Variants in CLCN2 observed in about 807,000 individuals in gnomAD.
CLCN2 encodes the protein chloride channel protein 2.
In CLCN2, 72 loss-of-function variants were observed where a neutral mutation model predicts 108.3. That is an observed-to-expected ratio of 0.66 (90% confidence interval 0.55 to 0.81). The LOEUF (loss-of-function observed/expected upper bound fraction) is 0.81. Among genes scored for constraint, CLCN2 ranks in the 30% least tolerant of loss-of-function variants. The pLI, the probability that CLCN2 is intolerant of heterozygous loss-of-function variation, is 0.00. For missense variants in CLCN2, 1,048 were observed against 1,205.2 expected (o/e 0.87, Z 1.93); for synonymous variants, 471 against 467.1 (o/e 1.01, Z -0.11).
chr3:184,359,283 A>G (rs1462508101), intron 1 of CLCN2, 152 bp from the exon 2 acceptor site: 4 of 966,866 alleles, frequency 4.1e-6, no homozygotes. Context: ...AGGTGTGGGA[A>G]CAATGCACAT....
rs537783950 is a variant in CLCN2, at chr3:184,361,492, C to A, written c.-13G>T. ...CCGCGGCCGCCATCTCCGCGCACTG[C>A]CCTCTCGCCTCCCTCGGCGGTTCCG... On this transcript the variant is annotated 5_prime_UTR_variant, in exon 1 of 24. Transcript: ENST00000265593. The surrounding 1 kb of genome is among the most constrained non-coding windows in gnomAD (Gnocchi z 6.6). The A allele has an allele frequency of 1.2e-6, 2 of 1,610,446 alleles. No individual in the cohort carries two copies. Among genetic ancestry groups the A allele is most frequent in the South Asian group, 2.2e-5 (2 of 91,068 alleles).
chr3:184,357,270 A>C lies in CLCN2; in HGVS notation c.899-4T>G. 6.2e-7 allele frequency: 1 copy of C among 1,614,020 alleles called. No homozygotes were observed. Among genetic ancestry groups the C allele is most frequent in the Non-Finnish European group, 8.5e-7 (1 of 1,179,998 alleles). On this transcript the variant is annotated splice_region_variant and splice_polypyrimidine_tract_variant and intron_variant, in intron 8 of 23. Coordinates refer to ENST00000265593, the MANE Select transcript of CLCN2 (RefSeq NM_004366.6). Reference sequence around the variant, plus strand: ...TTGAAGAGGGCTGTAATAGTCTCTAAAGGGAAGAACAGCAGAGGGAGGCAG... The same window carrying C: ...TTGAAGAGGGCTGTAATAGTCTCTACAGGGAAGAACAGCAGAGGGAGGCAG...
rs41266267 is a variant in CLCN2 at position 184,357,229 on chromosome 3, G to C, written c.936C>G (p.Leu312=). The change falls in exon 9 of 24, where the codon CTC becomes CTG. Residue 312 remains leucine, a synonymous_variant. Coordinates refer to ENST00000265593, the MANE Select transcript of CLCN2 (RefSeq NM_004366.6). ...GCTCCTGCAGGTCAAAGGGGAAGTC[G>C]AGCCGGAATCGGGTTTTGAAGAGGG... ...ITALFKTRFR[L]DFPFDLQELP... 3.8e-4 allele frequency: 618 copies of C among 1,613,974 alleles called. No homozygotes were observed. The highest frequency in any genetic ancestry group is 4.8e-4 in the Non-Finnish European group (571 of 1,180,032).
chr3:184,355,204 T>G lies in CLCN2; in HGVS notation c.1326+170A>C. 5 of 840,290 alleles carry G rather than the reference T, an allele frequency of 6.0e-6. No individual in the cohort carries two copies. 52.1% of individuals were successfully genotyped at this position (840,290 alleles called of 1,614,324 possible). A position where few individuals can be genotyped will look rare whatever the true frequency, so the allele number is the denominator to read the frequency against. ...ATCATCGCTCTGCCCTCTAGCTGTG[T>G]GACTTTGGGCCAGCTACTTGTGTTT... On this transcript the variant is annotated intron_variant, in intron 12 of 23. Transcript: ENST00000265593. This position sits in a 1 kb window ranked among gnomAD's most constrained non-coding sequence, Gnocchi z 6.3.
chr3:184,359,984 G>C (rs1711781813), intron 1 of CLCN2, among the ~76,000 whole-genome samples: 1 of 136,702 alleles, frequency 7.3e-6, no homozygotes, highest in African/African-American at 2.6e-5. Flanking sequence ...TTGGGGCTGG[G>C]ATGGGGGGGA....
At chr3:184,353,844 G>GC in intron 15 of CLCN2, 49 bp from the exon 16 acceptor site, 1 of 1,589,168 alleles carries the variant, frequency 6.3e-7, no homozygotes, top group East Asian at 2.3e-5. Flanking sequence ...GGGGAGAGGT[G>GC]CCCAGAGCAT....
chr3:184,346,828 G>A lies in CLCN2; in HGVS notation c.2503-28C>T. 6.2e-7 allele frequency: 1 copy of A among 1,613,738 alleles called. No homozygotes were observed. Among genetic ancestry groups the A allele is most frequent in the Middle Eastern group, 1.7e-4 (1 of 6,060 alleles). On this transcript the variant is annotated intron_variant, in intron 23 of 23. Coordinates refer to ENST00000265593, the MANE Select transcript of CLCN2 (RefSeq NM_004366.6). This position sits in a 1 kb window ranked among gnomAD's most constrained non-coding sequence, Gnocchi z 6.0. The stretch of plus-strand genomic sequence containing the variant: ...GGAAAGGTGAGAGGGACAGATGTCT[G>A]GACCCAGATGTCAGACTCCTCCCCG...
intron 22 of CLCN2, among the ~76,000 whole-genome samples, chr3:184,350,624 A>G (rs2108558793): frequency 6.6e-6 from 1 of 151,986 alleles, no homozygotes. Context: ...TTTAGTAGAG[A>G]TGGAGTTTCA....
rs758624989 is a variant in CLCN2 at position 184,353,814 on chromosome 3, G to A, written c.1722-19C>T. 10 of 1,600,834 alleles carry A rather than the reference G, an allele frequency of 6.2e-6. No homozygotes were observed. The highest frequency in any genetic ancestry group is 3.4e-5 in the South Asian group (3 of 88,760). Reference sequence around the variant, plus strand: ...GTACTGCCTGGGGGCCGAGAGAGGCGCTTGGTTTGTGGTCAGCATGGGGAG... The same window carrying A: ...GTACTGCCTGGGGGCCGAGAGAGGCACTTGGTTTGTGGTCAGCATGGGGAG... On this transcript the variant is annotated intron_variant, in intron 15 of 23. Coordinates refer to ENST00000265593, the MANE Select transcript of CLCN2 (RefSeq NM_004366.6).
chr3:184,354,368 C>A, intron 14 of CLCN2, 54 bp from the exon 15 acceptor site: 2 of 1,570,228 alleles, frequency 1.3e-6, no homozygotes, highest in Non-Finnish European at 1.7e-6. Flanking sequence ...AGAAGACCCT[C>A]CACAACCAGG....
intron 22 of CLCN2, 184 bp from the exon 23 acceptor site, chr3:184,347,205 G>T (rs1357464540): frequency 1.5e-6 from 1 of 660,822 alleles, no homozygotes; most frequent in African/African-American, 1.8e-5. Flanking sequence ...ATGTTTCTGT[G>T]TCCAGGCCTC....
At position 184,358,790 on chromosome 3, in the gene CLCN2, A is replaced by C; in HGVS notation, c.244T>G (p.Phe82Val). The change falls in exon 3 of 24, where the codon TTC becomes GTC. Residue 82 changes from phenylalanine to valine, a missense_variant. Transcript: ENST00000265593. ...TCTTCACCAACCCTGGATACTAGGAACTTGTGGCAGCGGACAGAACAGACT... is the reference window on the plus strand; with the variant it reads ...TCTTCACCAACCCTGGATACTAGGACCTTGTGGCAGCGGACAGAACAGACT... Reference protein sequence around the residue: ...CRVCSVRCHKFLVSRVGEDWI... With the variant: ...CRVCSVRCHKVLVSRVGEDWI... The C allele has an allele frequency of 6.2e-7, 1 of 1,613,552 alleles. No individual in the cohort carries two copies. The highest frequency in any genetic ancestry group is 8.5e-7 in the Non-Finnish European group (1 of 1,179,728).
At chr3:184,359,857 G>T (rs1711744882) in intron 1 of CLCN2, among the ~76,000 whole-genome samples, 1 of 152,128 alleles carries the variant, frequency 6.6e-6, no homozygotes, top group African/African-American at 2.4e-5. Context: ...TGGGGTGATG[G>T]GACGGGAGAG....
chr3:184,346,808 G>C lies in CLCN2; in HGVS notation c.2503-8C>G, dbSNP rs780725025. 6.2e-7 allele frequency: 1 copy of C among 1,613,932 alleles called. No homozygotes were observed. Among genetic ancestry groups the C allele is most frequent in the Non-Finnish European group, 8.5e-7 (1 of 1,180,006 alleles). On this transcript the variant is annotated splice_polypyrimidine_tract_variant and splice_region_variant and intron_variant, in intron 23 of 23. Coordinates refer to ENST00000265593, the MANE Select transcript of CLCN2 (RefSeq NM_004366.6). The surrounding 1 kb of genome is among the most constrained non-coding windows in gnomAD (Gnocchi z 6.0). ...CTCGATGGCCTTCCGGAGCTGGAAA[G>C]GTGAGAGGGACAGATGTCTGGACCC...
chr3:184,357,767 G>A lies in CLCN2; in HGVS notation c.693+12C>T, dbSNP rs1248043002. The stretch of plus-strand genomic sequence containing the variant: ...AGCCTCTGCCCCCTACTTGCCCCAG[G>A]GTTCCCCTTACCTCATAGATACCCC... On this transcript the variant is annotated intron_variant, in intron 6 of 23. Coordinates refer to ENST00000265593, the MANE Select transcript of CLCN2 (RefSeq NM_004366.6). The A allele has an allele frequency of 6.8e-6, 11 of 1,613,826 alleles. No homozygotes were observed. The highest frequency in any genetic ancestry group is 9.3e-6 in the Non-Finnish European group (11 of 1,180,018).
intron 1 of CLCN2, among the ~76,000 whole-genome samples, chr3:184,360,094 G>C (rs1003472461): frequency 6.6e-6 from 1 of 152,002 alleles, no homozygotes; most frequent in Non-Finnish European, 1.5e-5. Context: ...GAAGAGAAAA[G>C]AGAGGGAAGG....
chr3:184,357,938 C>G, intron 5 of CLCN2, 24 bp downstream of exon 5: 2 of 1,613,818 alleles, frequency 1.2e-6, no homozygotes, highest in Non-Finnish European at 1.7e-6. Context: ...GGAGGGACTC[C>G]TTCATTCCCC....
In CLCN2 at chr3:184,358,031, G is replaced by C. The variant is rs758743248; in HGVS notation, c.546C>G (p.Leu182=). The C allele has an allele frequency of 6.2e-7, 1 of 1,614,120 alleles. No individual in the cohort carries two copies. Residue 182 remains leucine, a synonymous_variant, in exon 5 of 24, where the codon CTC becomes CTG. Transcript: ENST00000265593. The part of the protein sequence containing the change: ...RGVVLKEYLT[L]KTFIAKVIGL... ...CAATGACCTTAGCTATAAAGGTCTTGAGTGTGAGGTATTCTTTCAGCACCA... is the reference window on the plus strand; with the variant it reads ...CAATGACCTTAGCTATAAAGGTCTTCAGTGTGAGGTATTCTTTCAGCACCA...
intron 22 of CLCN2, chr3:184,348,326 T>C (rs544600983): frequency 1.6e-4 from 25 of 152,144 alleles, no homozygotes; most frequent in African/African-American, 5.8e-4. Flanking sequence ...TGCGAAACCC[T>C]GTCTCCACAA....
Sources: allele counts gnomAD v4.1 joint callset (sites outside exome capture counted in the v4.1 genomes callset), GRCh38; gene constraint gnomAD v4.1.1; non-coding constraint Gnocchi (gnomAD v3.1); transcripts MANE v1.5; gene names NCBI Gene and HGNC (gene_info 2026-07-23, HGNC 2026-07-21).